ELP3: variants seen among roughly 807,000 people sequenced by gnomAD.
ELP3 encodes elongator acetyltransferase complex subunit 3.
ELP3 carries 56 observed loss-of-function variants against 74.9 expected under a neutral mutation model. The ratio of observed to expected loss-of-function variants is 0.75; its 90% CI spans 0.60 to 0.93. ELP3 has a LOEUF of 0.93. Ranked by LOEUF, ELP3 falls within the 40% of genes least tolerant of loss-of-function variation. ELP3 has a pLI of 0.00. For missense variants in ELP3, 573 were observed against 686.5 expected, an observed-to-expected ratio of 0.83 and a Z score of 1.85; for synonymous variants, 222 against 239.8, an observed-to-expected ratio of 0.93 and a Z score of 0.68.
chr8:28,157,522 G>A (rs1432695871), intron 11 of ELP3, among the ~76,000 whole-genome samples: 2 of 152,260 alleles, frequency 1.3e-5, no homozygotes, highest in Admixed American at 1.3e-4. Context: ...TTCCTGGGGT[G>A]TGGAAGTAGC....
chr8:28,142,221 AGGT>A, intron 10 of ELP3, among the ~76,000 whole-genome samples: 1 of 152,192 alleles, frequency 6.6e-6, no homozygotes, highest in Non-Finnish European at 1.5e-5. Context: ...TACAACCGAA[AGGT>A]CATATGATAA....
intron 10 of ELP3, among the ~76,000 whole-genome samples, chr8:28,153,494 A>G (rs1813714649): frequency 6.6e-6 from 1 of 152,226 alleles, no homozygotes; most frequent in Non-Finnish European, 1.5e-5. Context: ...GTGCATATGA[A>G]TTAATAAGTA....
At chr8:28,167,403 G>A (rs1814348281) in intron 14 of ELP3, among the ~76,000 whole-genome samples, 1 of 152,212 alleles carries the variant, frequency 6.6e-6, no homozygotes, top group Admixed American at 6.5e-5. Context: ...ACAAATGGCT[G>A]AGATTTACTT....
intron 10 of ELP3, among the ~76,000 whole-genome samples, chr8:28,144,743 A>G (rs190313320): frequency 4.5e-4 from 69 of 152,368 alleles, no homozygotes; most frequent in African/African-American, 6.3e-4. Flanking sequence ...ACTTTTAGAA[A>G]GAAACTTGTA....
At chr8:28,183,650 C>G (rs531247195) in intron 14 of ELP3, among the ~76,000 whole-genome samples, 2 of 152,170 alleles carry the variant, frequency 1.3e-5, no homozygotes, top group East Asian at 3.9e-4. Flanking sequence ...GTCTCGAACT[C>G]CTGAGCTCAG....
intron 8 of ELP3, 112 bp downstream of exon 8, chr8:28,129,775 G>T (rs1047690271): frequency 8.4e-7 from 1 of 1,194,186 alleles, no homozygotes; most frequent in Non-Finnish European, 1.2e-6. Context: ...AGAAGTATGG[G>T]TATTCCTCCT....
chr8:28,156,823 A>G (rs945605320), intron 11 of ELP3, among the ~76,000 whole-genome samples: 3 of 152,318 alleles, frequency 2.0e-5, no homozygotes, highest in African/African-American at 7.2e-5. Flanking sequence ...TTGTGGACTT[A>G]ACCTAAGACA....
At chr8:28,100,139 G>A (rs1224774048) in intron 3 of ELP3, among the ~76,000 whole-genome samples, 173 bp downstream of exon 3, 1 of 152,156 alleles carries the variant, frequency 6.6e-6, no homozygotes, top group Non-Finnish European at 1.5e-5. Flanking sequence ...AAGGAGAGCA[G>A]AGAGAGAAAA....
chr8:28,167,939 A>G (rs921765452), intron 14 of ELP3, among the ~76,000 whole-genome samples: 1 of 152,260 alleles, frequency 6.6e-6, no homozygotes, highest in Non-Finnish European at 1.5e-5. Flanking sequence ...CAACATCATT[A>G]TTAATCAGAC....
At chr8:28,107,851 G>C in intron 4 of ELP3, 62 bp from the exon 5 acceptor site, 1 of 1,336,664 alleles carries the variant, frequency 7.5e-7, no homozygotes, top group South Asian at 1.2e-5. Context: ...GTAGATGCTT[G>C]GAACTAGCTG....
chr8:28,184,767 G>C (rs1281505158), intron 14 of ELP3, among the ~76,000 whole-genome samples: 1 of 152,154 alleles, frequency 6.6e-6, no homozygotes, highest in Non-Finnish European at 1.5e-5. Context: ...TTTGACAGAG[G>C]ACATATAAAA....
At chr8:28,150,927 G>T (rs769159259) in intron 10 of ELP3, among the ~76,000 whole-genome samples, 4 of 152,052 alleles carry the variant, frequency 2.6e-5, no homozygotes, top group African/African-American at 9.7e-5. Context: ...CCAAATAATC[G>T]GGACTACAGG....
intron 14 of ELP3, among the ~76,000 whole-genome samples, chr8:28,167,037 T>A (rs1462804090): frequency 1.3e-5 from 2 of 152,220 alleles, no homozygotes; most frequent in East Asian, 3.8e-4. Flanking sequence ...TGGTGAAGAA[T>A]AAGGAAAATG....
At chr8:28,175,383 G>A (rs1247813758) in intron 14 of ELP3, among the ~76,000 whole-genome samples, 1 of 152,002 alleles carries the variant, frequency 6.6e-6, no homozygotes, top group Non-Finnish European at 1.5e-5. Context: ...CACTGATTCT[G>A]TCTGCTGCCT....
chr8:28,188,373 T>A (rs1815325213), intron 14 of ELP3, among the ~76,000 whole-genome samples: 1 of 52,796 alleles, frequency 1.9e-5, no homozygotes, highest in African/African-American at 4.7e-5. Context: ...CATCTTTTGT[T>A]CTAATCTGGT....
At chr8:28,110,707 A>AT (rs1811884554) in intron 6 of ELP3, 1 of 332,496 alleles carries the variant, frequency 3.0e-6, no homozygotes, top group South Asian at 4.2e-5. Context: ...GTAGTATGAA[A>AT]TTTGTGGAAT....
chr8:28,181,079 C>T (rs1163241764), intron 14 of ELP3, among the ~76,000 whole-genome samples: 1 of 152,190 alleles, frequency 6.6e-6, no homozygotes, highest in African/African-American at 2.4e-5. Flanking sequence ...TCTGGAAGCT[C>T]ACATTTTCTC....
intron 14 of ELP3, among the ~76,000 whole-genome samples, chr8:28,185,112 A>G (rs573156260): frequency 5.9e-5 from 9 of 152,338 alleles, no homozygotes; most frequent in African/African-American, 2.2e-4. Flanking sequence ...GTCCATGGAA[A>G]ACAGTATCTG....
intron 14 of ELP3, among the ~76,000 whole-genome samples, chr8:28,164,803 G>T (rs1814243550): frequency 6.6e-6 from 1 of 152,126 alleles, no homozygotes; most frequent in Admixed American, 6.5e-5. Flanking sequence ...CAGATGTGAA[G>T]AGCTTATTAT....
Sources: allele counts gnomAD v4.1 joint callset (sites outside exome capture counted in the v4.1 genomes callset), GRCh38; gene constraint gnomAD v4.1.1; transcripts MANE v1.5; gene names NCBI Gene and HGNC (gene_info 2026-07-23, HGNC 2026-07-21).